Variants in THSD7A observed in about 807,000 individuals in gnomAD.
The protein encoded by THSD7A is thrombospondin type-1 domain-containing protein 7A.
THSD7A carries 96 observed loss-of-function variants against 231.3 expected under a neutral mutation model. That is an observed-to-expected ratio of 0.41 (90% CI 0.35 to 0.49). The LOEUF (loss-of-function observed/expected upper bound fraction) is 0.49, where lower values mean the gene tolerates loss of function less well. THSD7A is among the 20% of genes least tolerant of loss of function. The pLI is 0.05. For missense variants in THSD7A, 2,290 were observed against 2,070.2 expected, an observed-to-expected ratio of 1.11 and a Z score of -2.06; for synonymous variants, 940 against 743.3, an observed-to-expected ratio of 1.26 and a Z score of -4.30.
At chr7:11,476,772 G>T (rs1165602758) in intron 7 of THSD7A, among the ~76,000 whole-genome samples, 1 of 149,468 alleles carries the variant, frequency 6.7e-6, no homozygotes, top group East Asian at 2.0e-4. Flanking sequence ...CCAAGATCGG[G>T]CCACTGCACT....
intron 13 of THSD7A, among the ~76,000 whole-genome samples, chr7:11,442,481 A>AT (rs1200957257): frequency 6.6e-6 from 1 of 152,036 alleles, no homozygotes; most frequent in Non-Finnish European, 1.5e-5. Context: ...ACGGGGATCA[A>AT]TTTTGTCTTT....
chr7:11,520,988 G>T (rs543098818), intron 6 of THSD7A, among the ~76,000 whole-genome samples: 1 of 152,130 alleles, frequency 6.6e-6, no homozygotes, highest in Admixed American at 6.5e-5. Flanking sequence ...AAATCAGAAC[G>T]CTGACTGTGC....
chr7:11,453,097 G>C (rs1039196526), intron 11 of THSD7A, among the ~76,000 whole-genome samples: 1 of 151,728 alleles, frequency 6.6e-6, no homozygotes, highest in Admixed American at 6.6e-5. Flanking sequence ...CAGATATTAT[G>C]AGCCTAACCT....
chr7:11,743,112 G>C (rs1321895730), intron 1 of THSD7A, among the ~76,000 whole-genome samples: 1 of 151,800 alleles, frequency 6.6e-6, no homozygotes, highest in Non-Finnish European at 1.5e-5. Context: ...CTAATTTATA[G>C]TCAGTGACAT....
chr7:11,464,986 A>C (rs1453989711), intron 9 of THSD7A, among the ~76,000 whole-genome samples: 1 of 152,164 alleles, frequency 6.6e-6, no homozygotes, highest in Non-Finnish European at 1.5e-5. Context: ...CAAAAAATGA[A>C]AGTTTCATCA....
chr7:11,460,224 C>G (rs980799693), intron 11 of THSD7A, among the ~76,000 whole-genome samples: 1 of 152,118 alleles, frequency 6.6e-6, no homozygotes, highest in Non-Finnish European at 1.5e-5. Flanking sequence ...ATTCTGAGAA[C>G]TTCTGAAAAA....
At chr7:11,501,750 A>G (rs28897441) in intron 6 of THSD7A, among the ~76,000 whole-genome samples, 2,408 of 152,284 alleles carry the variant, frequency 0.016, 71 homozygotes, top group African/African-American at 0.055. Flanking sequence ...ATAAACCCTA[A>G]AGCTAGGAGA....
At chr7:11,763,221 T>C (rs2128168878) in intron 1 of THSD7A, among the ~76,000 whole-genome samples, 1 of 152,266 alleles carries the variant, frequency 6.6e-6, no homozygotes, top group Non-Finnish European at 1.5e-5. Flanking sequence ...AACCAAATCA[T>C]CCTGCAGCCT....
At chr7:11,532,577 G>C (rs1788753095) in intron 6 of THSD7A, among the ~76,000 whole-genome samples, 1 of 152,096 alleles carries the variant, frequency 6.6e-6, no homozygotes, top group Admixed American at 6.6e-5. Context: ...GGCAAAAGTA[G>C]GTAAGAAGAT....
chr7:11,558,403 A>C (rs1789937452), intron 4 of THSD7A, among the ~76,000 whole-genome samples: 2 of 152,182 alleles, frequency 1.3e-5, no homozygotes, highest in African/African-American at 4.8e-5. Context: ...GAGGATCCCC[A>C]AAATCTACAA....
At chr7:11,759,570 T>A (rs1417523851) in intron 1 of THSD7A, among the ~76,000 whole-genome samples, 1 of 151,966 alleles carries the variant, frequency 6.6e-6, no homozygotes, top group Non-Finnish European at 1.5e-5. Flanking sequence ...AATAACTAAA[T>A]TTTTCAGAAT....
intron 19 of THSD7A, among the ~76,000 whole-genome samples, chr7:11,408,583 A>C (rs1783670115): frequency 6.6e-6 from 1 of 152,172 alleles, no homozygotes; most frequent in South Asian, 2.1e-4. Context: ...TTTTAAAACT[A>C]GTAATTCTTG....
intron 1 of THSD7A, among the ~76,000 whole-genome samples, chr7:11,706,211 T>C (rs1372332910): frequency 2.0e-5 from 3 of 150,994 alleles, no homozygotes; most frequent in Non-Finnish European, 4.5e-5. Flanking sequence ...TTGTAGTTTG[T>C]ACACATATCT....
intron 1 of THSD7A, among the ~76,000 whole-genome samples, chr7:11,715,147 G>A (rs1055473632): frequency 6.6e-6 from 1 of 151,278 alleles, no homozygotes; most frequent in Non-Finnish European, 1.5e-5. Context: ...TGAAAGAAGT[G>A]GATAATTATA....
chr7:11,762,636 A>G (rs1164753332), intron 1 of THSD7A, among the ~76,000 whole-genome samples: 2 of 151,988 alleles, frequency 1.3e-5, no homozygotes, highest in Admixed American at 6.6e-5. Flanking sequence ...CTGGATATTA[A>G]TCCTTTGTTA....
chr7:11,422,168 AGTCT>A (rs1784167058), intron 16 of THSD7A, among the ~76,000 whole-genome samples: 1 of 150,110 alleles, frequency 6.7e-6, no homozygotes, highest in Non-Finnish European at 1.5e-5. Context: ...ACAATAACTA[AGTCT>A]GTCTGTTTTT....
chr7:11,419,390 T>C (rs1471643452), intron 16 of THSD7A, among the ~76,000 whole-genome samples: 1 of 152,136 alleles, frequency 6.6e-6, no homozygotes, highest in Admixed American at 6.5e-5. Flanking sequence ...CCCTTTGCTT[T>C]TTCTCTCTCT....
intron 6 of THSD7A, among the ~76,000 whole-genome samples, chr7:11,533,153 G>A (rs1788773538): frequency 6.6e-6 from 1 of 152,160 alleles, no homozygotes; most frequent in African/African-American, 2.4e-5. Flanking sequence ...TAAGGGTGTT[G>A]CATTGATAAA....
At chr7:11,713,485 G>A (rs1002172926) in intron 1 of THSD7A, among the ~76,000 whole-genome samples, 5 of 151,226 alleles carry the variant, frequency 3.3e-5, no homozygotes, top group South Asian at 2.1e-4. Context: ...ATTTACTGTC[G>A]TCTTGCCCTT....
Sources: gnomAD v4.1 joint callset for allele counts (sites outside exome capture counted in the v4.1 genomes callset) on GRCh38, gnomAD v4.1.1 for gene constraint, MANE v1.5 for transcripts, NCBI Gene and HGNC (gene_info 2026-07-23, HGNC 2026-07-21) for gene names.